NBAS: variants seen among roughly 807,000 people sequenced by gnomAD.
The protein encoded by NBAS is NAG/BC035112 fusion.
Under a neutral mutation model 302.5 loss-of-function variants are expected in NBAS, and 219 were observed. The observed-to-expected ratio is 0.72, with a 90% CI of 0.65 to 0.81. The LOEUF (loss-of-function observed/expected upper bound fraction) is 0.81, where lower values mean the gene tolerates loss of function less well. NBAS is among the 30% of genes least tolerant of loss of function. The pLI is 0.00. For missense variants in NBAS, 2,932 were observed against 2,841.6 expected (o/e 1.03, Z -0.72); for synonymous variants, 1,118 against 1,021.6 (o/e 1.09, Z -1.80).
intron 11 of NBAS, among the ~76,000 whole-genome samples, chr2:15,496,207 C>G (rs748165246): frequency 6.6e-6 from 1 of 151,764 alleles, no homozygotes; most frequent in African/African-American, 2.4e-5. Context: ...AAGCATCATG[C>G]TAAGCGAAAA....
At chr2:15,338,801 G>A (rs1183947576) in intron 35 of NBAS, among the ~76,000 whole-genome samples, 1 of 151,982 alleles carries the variant, frequency 6.6e-6, no homozygotes, top group African/African-American at 2.4e-5. Flanking sequence ...CTTGAGGCCA[G>A]GAGTTCGAGA....
chr2:14,861,233 AACG>A, the NBAS span, among the ~76,000 whole-genome samples: 1 of 152,234 alleles, frequency 6.6e-6, no homozygotes, highest in Non-Finnish European at 1.5e-5. Context: ...TAATTCAGAT[AACG>A]ACATTATTCA....
chr2:15,208,010 C>T (rs1480819199), intron 48 of NBAS, among the ~76,000 whole-genome samples: 3 of 149,218 alleles, frequency 2.0e-5, no homozygotes, highest in South Asian at 2.1e-4. Context: ...TATATGCACC[C>T]AATGCTTGAG....
At chr2:15,372,277 A>AC (rs1558280432) in intron 31 of NBAS, among the ~76,000 whole-genome samples, 4 of 151,718 alleles carry the variant, frequency 2.6e-5, no homozygotes, top group African/African-American at 7.3e-5. Context: ...TACACACACA[A>AC]AAATATTTCA....
intron 9 of NBAS, among the ~76,000 whole-genome samples, chr2:15,532,488 C>CAAAAAAAAAAAAAA (rs896529713): frequency 2.1e-5 from 1 of 47,798 alleles, no homozygotes; most frequent in African/African-American, 5.4e-5. Context: ...GACTCCATCT[C>CAAAAAAAAAAAAAA]AAAAAAAAAA....
At chr2:15,127,026 A>G in the NBAS span, among the ~76,000 whole-genome samples, 1 of 152,148 alleles carries the variant, frequency 6.6e-6, no homozygotes, top group Non-Finnish European at 1.5e-5. Flanking sequence ...GGTCCCTCTA[A>G]AGCCTCGGAA....
At chr2:14,886,039 T>A in the NBAS span, among the ~76,000 whole-genome samples, 1 of 152,070 alleles carries the variant, frequency 6.6e-6, no homozygotes, top group Non-Finnish European at 1.5e-5. Context: ...CTGGAGAGGG[T>A]GGCAGATCAA....
chr2:14,964,272 A>G, the NBAS span, among the ~76,000 whole-genome samples: 3 of 152,220 alleles, frequency 2.0e-5, no homozygotes. Flanking sequence ...TTATTATTAT[A>G]ACTGTATTCT....
intron 50 of NBAS, among the ~76,000 whole-genome samples, chr2:15,184,390 A>T (rs904529268): frequency 6.6e-6 from 1 of 152,070 alleles, no homozygotes; most frequent in Non-Finnish European, 1.5e-5. Context: ...AAATAATTAT[A>T]CAACTCACCA....
intron 51 of NBAS, among the ~76,000 whole-genome samples, chr2:15,171,019 T>A (rs1444879401): frequency 1.3e-5 from 2 of 152,230 alleles, no homozygotes; most frequent in Non-Finnish European, 2.9e-5. Context: ...TCTTTGTTTT[T>A]TCTTGTTTTT....
the NBAS span, among the ~76,000 whole-genome samples, chr2:14,864,046 C>T: frequency 6.6e-6 from 1 of 152,100 alleles, no homozygotes; most frequent in African/African-American, 2.4e-5. Context: ...TGGCCAGGCA[C>T]GGTGGCTCAC....
chr2:15,439,929 C>G (rs149519184), intron 21 of NBAS, among the ~76,000 whole-genome samples: 3 of 152,366 alleles, frequency 2.0e-5, no homozygotes, highest in South Asian at 4.1e-4. Flanking sequence ...GAGATCAAAC[C>G]GCAAGGCGGC....
intron 31 of NBAS, among the ~76,000 whole-genome samples, chr2:15,373,866 G>A (rs1043328041): frequency 6.6e-6 from 1 of 152,150 alleles, no homozygotes; most frequent in Non-Finnish European, 1.5e-5. Flanking sequence ...AGCCAGCCAA[G>A]CACACTGCTA....
At chr2:14,941,034 A>G in the NBAS span, among the ~76,000 whole-genome samples, 1 of 152,370 alleles carries the variant, frequency 6.6e-6, no homozygotes, top group East Asian at 1.9e-4. Context: ...CTCATTTGTG[A>G]ACAAAACTGA....
At chr2:15,081,336 A>G in the NBAS span, among the ~76,000 whole-genome samples, 2 of 152,298 alleles carry the variant, frequency 1.3e-5, no homozygotes, top group East Asian at 3.9e-4. Context: ...GGTATGCCCA[A>G]GACGGTGTGC....
intron 36 of NBAS, among the ~76,000 whole-genome samples, chr2:15,329,661 C>T (rs1468140558): frequency 6.6e-6 from 1 of 152,176 alleles, no homozygotes; most frequent in Admixed American, 6.5e-5. Flanking sequence ...ACCATTCTCC[C>T]CATTGTTCAC....
At chr2:15,329,462 G>A (rs890336836) in intron 36 of NBAS, among the ~76,000 whole-genome samples, 7 of 152,162 alleles carry the variant, frequency 4.6e-5, no homozygotes, top group Admixed American at 2.6e-4. Flanking sequence ...TGATCTCACT[G>A]TCTCTTTTCT....
chr2:15,471,137 A>G (rs189509030), intron 16 of NBAS, among the ~76,000 whole-genome samples: 96 of 152,102 alleles, frequency 6.3e-4, no homozygotes, highest in African/African-American at 2.2e-3. Flanking sequence ...ACATCCCTCA[A>G]CTCCCTCAGA....
At chr2:15,228,835 C>G (rs1196427599) in intron 47 of NBAS, among the ~76,000 whole-genome samples, 1 of 152,036 alleles carries the variant, frequency 6.6e-6, no homozygotes, top group Non-Finnish European at 1.5e-5. Flanking sequence ...GTGTGGTGTA[C>G]TAGGAGAGGA....
Sources: allele counts gnomAD v4.1 joint callset (sites outside exome capture counted in the v4.1 genomes callset), GRCh38; gene constraint gnomAD v4.1.1; transcripts MANE v1.5; gene names NCBI Gene and HGNC (gene_info 2026-07-23, HGNC 2026-07-21).